NTN1: variants seen among roughly 807,000 people sequenced by gnomAD.
The protein encoded by NTN1 is netrin 1, also known as netrin-1.
Under a neutral mutation model 54.2 loss-of-function variants are expected in NTN1, and 11 were observed. The observed-to-expected ratio is 0.20, with a 90% CI of 0.13 to 0.34. NTN1 has a LOEUF of 0.34. Among genes scored for constraint, NTN1 ranks in the 10% least tolerant of loss-of-function variants. NTN1 has a pLI of 1.00. For missense variants in NTN1, 740 were observed against 893.1 expected, an observed-to-expected ratio of 0.83 and a Z score of 2.18; for synonymous variants, 371 against 382.0, an observed-to-expected ratio of 0.97 and a Z score of 0.33.
chr17:9,181,329 G>A (rs3826471), intron 4 of NTN1, among the ~76,000 whole-genome samples: 54,483 of 151,936 alleles, frequency 0.36, 10,185 homozygotes, highest in Middle Eastern at 0.49. Flanking sequence ...GCAGCCATGG[G>A]CCCTGTGTGT....
chr17:9,131,779 G>A lies in NTN1; in HGVS notation c.1019-31034G>A, dbSNP rs781455535. 2.6e-5 allele frequency among the ~76,000 whole-genome samples: 4 copies of A among 151,452 alleles called. No homozygotes were observed. The South Asian group carries it at 8.4e-4, about 32-fold the overall frequency. The stretch of plus-strand genomic sequence containing the variant: ...GTATTTTTAGTAGAGACAGGGTTTC[G>A]CCATGCTGGCCCTTGATGCTTTTTT... On this transcript the variant is annotated intron_variant, in intron 2 of 6. Transcript: ENST00000173229.
At chr17:9,110,645 G>A (rs895404079) in intron 2 of NTN1, among the ~76,000 whole-genome samples, 1 of 152,128 alleles carries the variant, frequency 6.6e-6, no homozygotes, top group Non-Finnish European at 1.5e-5. Context: ...AAACTGGGTG[G>A]CTTAATAATG....
At chr17:9,163,640 T>TA (rs959140567) in intron 3 of NTN1, among the ~76,000 whole-genome samples, 1 of 152,162 alleles carries the variant, frequency 6.6e-6, no homozygotes, top group African/African-American at 2.4e-5. Flanking sequence ...GACGGGAGAC[T>TA]ATTTTCGTCC....
chr17:9,220,482 G>T (rs1366350274), intron 5 of NTN1, among the ~76,000 whole-genome samples: 1 of 152,138 alleles, frequency 6.6e-6, no homozygotes, highest in Non-Finnish European at 1.5e-5. Flanking sequence ...GGTTGACACA[G>T]GCCCAAGGGC....
chr17:9,219,073 T>C lies in NTN1; in HGVS notation c.1412-2095T>C, dbSNP rs548442434. On this transcript the variant is annotated intron_variant, in intron 5 of 6. Coordinates refer to ENST00000173229, the MANE Select transcript of NTN1 (RefSeq NM_004822.3). The surrounding 1 kb of genome is among the most constrained non-coding windows in gnomAD (Gnocchi z 4.5). ...GAATCGCCAGGACTTACGCACAACCTGGGTTCAGCCCCAGCAGTGGCTTTA... is the reference window on the plus strand; with the variant it reads ...GAATCGCCAGGACTTACGCACAACCCGGGTTCAGCCCCAGCAGTGGCTTTA... Among the ~76,000 whole-genome samples the C allele has an allele frequency of 6.6e-6, 1 of 152,316 alleles. No individual in the cohort carries two copies. The highest frequency in any genetic ancestry group is 2.4e-5 in the African/African-American group (1 of 41,578).
chr17:9,030,791 G>T (rs1284569855), intron 2 of NTN1, among the ~76,000 whole-genome samples: 1 of 152,098 alleles, frequency 6.6e-6, no homozygotes, highest in East Asian at 1.9e-4. Flanking sequence ...GGTTCTGTAA[G>T]TGTGGTAGAC....
chr17:9,111,511 C>T (rs1438726694), intron 2 of NTN1, among the ~76,000 whole-genome samples: 3 of 151,954 alleles, frequency 2.0e-5, no homozygotes, highest in Non-Finnish European at 2.9e-5. Context: ...AGGCACAGTT[C>T]CCCCAGAGAG....
intron 6 of NTN1, among the ~76,000 whole-genome samples, chr17:9,238,339 A>G (rs1906063332): frequency 6.6e-6 from 1 of 152,130 alleles, no homozygotes; most frequent in African/African-American, 2.4e-5. Flanking sequence ...AGTCTACTCC[A>G]TGGCCCAGCC....
intron 2 of NTN1, among the ~76,000 whole-genome samples, chr17:9,073,838 G>A (rs2092040586): frequency 6.6e-6 from 1 of 152,244 alleles, no homozygotes; most frequent in Non-Finnish European, 1.5e-5. Context: ...GTCATGGGCA[G>A]CCTGTTGGGG....
chr17:9,112,369 C>A (rs1363972921), intron 2 of NTN1, among the ~76,000 whole-genome samples: 1 of 152,170 alleles, frequency 6.6e-6, no homozygotes, highest in African/African-American at 2.4e-5. Flanking sequence ...ACTCAGGGCC[C>A]TTTCATGGTC....
intron 2 of NTN1, among the ~76,000 whole-genome samples, chr17:9,090,663 T>C (rs930598547): frequency 2.0e-5 from 3 of 152,092 alleles, no homozygotes; most frequent in Non-Finnish European, 4.4e-5. Flanking sequence ...CCGCTGCTTG[T>C]CTTCTCTGGC....
At chr17:9,006,148 T>C in the NTN1 span, among the ~76,000 whole-genome samples, 1 of 72,614 alleles carries the variant, frequency 1.4e-5, no homozygotes, top group South Asian at 4.4e-4. Flanking sequence ...AGAAAGTGGG[T>C]AGGGGGAGGA....
chr17:9,041,688 C>T (rs948022279), intron 2 of NTN1, among the ~76,000 whole-genome samples: 2 of 152,048 alleles, frequency 1.3e-5, no homozygotes, highest in South Asian at 2.1e-4. Context: ...GGGGTATCTA[C>T]CTAGCAGTGG....
At chr17:9,208,177 A>G (rs1905017127) in intron 5 of NTN1, among the ~76,000 whole-genome samples, 1 of 152,202 alleles carries the variant, frequency 6.6e-6, no homozygotes, top group African/African-American at 2.4e-5. Context: ...GGTTGCAGTG[A>G]GCTGAGATCA....
chr17:9,184,660 T>C (rs1180077957), intron 5 of NTN1, among the ~76,000 whole-genome samples: 10 of 152,216 alleles, frequency 6.6e-5, no homozygotes, highest in African/African-American at 2.2e-4. Flanking sequence ...TCCATCTCCG[T>C]CTTTGTCTCT....
At chr17:9,173,293 A>T (rs1694658069) in intron 3 of NTN1, 1 of 152,138 alleles carries the variant, frequency 6.6e-6, no homozygotes, top group African/African-American at 2.4e-5. Context: ...TGTTTTGGGG[A>T]GTGGGGAAGA....
chr17:9,189,681 T>C (rs956878695), intron 5 of NTN1, among the ~76,000 whole-genome samples: 3 of 148,868 alleles, frequency 2.0e-5, no homozygotes, highest in Non-Finnish European at 4.5e-5. Context: ...TTTTAGATAA[T>C]TAAAAAAAAA....
intron 2 of NTN1, among the ~76,000 whole-genome samples, chr17:9,114,347 G>A (rs1291545275): frequency 1.3e-5 from 2 of 150,646 alleles, no homozygotes; most frequent in Non-Finnish European, 3.0e-5. Flanking sequence ...CATATTTAGG[G>A]TGTATAAGGT....
chr17:9,177,868 G>C (rs2092405053), intron 3 of NTN1: 1 of 152,268 alleles, frequency 6.6e-6, no homozygotes, highest in African/African-American at 2.4e-5. Flanking sequence ...CTTGAATTTA[G>C]GGTACATCTA....
Sources: allele counts gnomAD v4.1 joint callset (sites outside exome capture counted in the v4.1 genomes callset), GRCh38; gene constraint gnomAD v4.1.1; non-coding constraint Gnocchi (gnomAD v3.1); transcripts MANE v1.5; gene names NCBI Gene and HGNC (gene_info 2026-07-23, HGNC 2026-07-21).